DHDDS: variants seen among roughly 807,000 people sequenced by gnomAD.
DHDDS encodes the protein dehydrodolichyl diphosphate synthase subunit, also known as dehydrodolichyl diphosphate synthase complex subunit DHDDS.
In DHDDS, 16 loss-of-function variants were observed where a neutral mutation model predicts 46.2. That is an observed-to-expected ratio of 0.35 (90% CI 0.23 to 0.53). The LOEUF (loss-of-function observed/expected upper bound fraction) is 0.53. Ranked by LOEUF, DHDDS falls within the 20% of genes least tolerant of loss-of-function variation. DHDDS has a pLI of 0.94. For synonymous variants in DHDDS, 151 were observed against 163.1 expected (o/e 0.93, Z 0.56); for missense variants, 340 against 423.7 (o/e 0.80, Z 1.73).
chr1:26,469,276 C>T lies in DHDDS; in HGVS notation c.*145C>T, dbSNP rs2075528127. ...TGGGGAGCCCCCCAGGCCAGGTTTGCTGGCCATAGATACCTTTGGGCTGCC... is the reference window on the plus strand; with the variant it reads ...TGGGGAGCCCCCCAGGCCAGGTTTGTTGGCCATAGATACCTTTGGGCTGCC... On this transcript the variant is annotated 3_prime_UTR_variant, in exon 9 of 9. Transcript: ENST00000236342. 3 of 1,493,046 alleles carry T rather than the reference C, an allele frequency of 2.0e-6. No homozygotes were observed. The highest frequency in any genetic ancestry group is 2.7e-6 in the Non-Finnish European group (3 of 1,101,976). 92.5% of individuals were successfully genotyped at this position (1,493,046 alleles called of 1,614,324 possible).
At chr1:26,468,795 A>G in intron 8 of DHDDS, 100 bp from the exon 9 acceptor site, 1 of 1,441,080 alleles carries the variant, frequency 6.9e-7, no homozygotes, top group Non-Finnish European at 9.5e-7. Context: ...GTTCCACTTC[A>G]CTTGGCCCAC....
chr1:26,433,195 C>T (rs1354914766), intron 2 of DHDDS, 187 bp downstream of exon 2: 4 of 660,060 alleles, frequency 6.1e-6, no homozygotes, highest in Non-Finnish European at 1.1e-5. Context: ...TGTCCTAACT[C>T]TGATATTTTC....
chr1:26,453,097 C>T (rs1312411826), intron 6 of DHDDS, among the ~76,000 whole-genome samples: 1 of 146,308 alleles, frequency 6.8e-6, no homozygotes, highest in East Asian at 1.9e-4. Context: ...GTCTGAAACA[C>T]ACACACACAC....
At chr1:26,464,457 AT>A (rs2075461734) in intron 8 of DHDDS, among the ~76,000 whole-genome samples, 4 of 152,216 alleles carry the variant, frequency 2.6e-5, no homozygotes, top group African/African-American at 9.6e-5. Context: ...CAAAGTTATA[AT>A]AGAGATACTG....
At position 26,470,963 on chromosome 1, in the gene DHDDS, T is replaced by G. The variant is rs909512658; in HGVS notation, c.*1832T>G. 2 of 152,410 alleles carry G rather than the reference T, an allele frequency of 1.3e-5. No individual in the cohort carries two copies. Among genetic ancestry groups the G allele is most frequent in the Non-Finnish European group, 2.9e-5 (2 of 68,126 alleles). The allele number at this position is 152,410 out of a possible 1,614,324, so 9.4% of individuals were successfully genotyped here. ...TATGATTGGGGTACAGTAGAGGTGA[T>G]TAATGGGGCTGGCATCTCTCTTTGG... On this transcript the variant is annotated 3_prime_UTR_variant, in exon 9 of 9. Transcript: ENST00000236342.
At chr1:26,456,793 G>C (rs1570355727) in intron 6 of DHDDS, among the ~76,000 whole-genome samples, 2 of 152,306 alleles carry the variant, frequency 1.3e-5, no homozygotes, top group African/African-American at 4.8e-5. Context: ...ACTGTTAATA[G>C]TATGATGTAT....
Position 26,446,338 on chromosome 1 carries a change from G to A in DHDDS, c.346G>A (p.Val116Met). 8.1e-6 allele frequency: 13 copies of A among 1,614,026 alleles called. No individual in the cohort carries two copies. Among genetic ancestry groups the A allele is most frequent in the Non-Finnish European group, 1.1e-5 (13 of 1,179,926 alleles). The stretch of plus-strand genomic sequence containing the variant: ...CAGGGAGAAACTGCAGAAGCATGGG[G>A]TGTGTATCCGGGTCCTGGGCGATCT... ...EEKEKLQKHG[V>M]CIRVLGDLHL... The change falls in exon 5 of 9, where the codon GTG becomes ATG. Residue 116 changes from valine to methionine, a missense_variant. By Grantham distance (21) the Val-to-Met change is conservative (BLOSUM62 1). Around this residue, in one of 2 missense-constraint regions of DHDDS, gnomAD observed 268 missense variants for 300.3 expected, o/e 0.89. Coordinates refer to ENST00000236342, the MANE Select transcript of DHDDS (RefSeq NM_205861.3).
chr1:26,438,825 AAT>A (rs746031308), intron 3 of DHDDS: 4 of 163,256 alleles, frequency 2.5e-5, no homozygotes, highest in Admixed American at 1.1e-4. Context: ...TTAATAAATC[AAT>A]AGTTTATATT....
chr1:26,447,688 T>G (rs200852161), intron 6 of DHDDS, 28 bp downstream of exon 6: 2 of 1,599,944 alleles, frequency 1.3e-6, no homozygotes, highest in Admixed American at 1.7e-5. Flanking sequence ...GCATGGTAAT[T>G]GTTAAGGAAA....
chr1:26,447,884 A>G (rs1055147828), intron 6 of DHDDS: 2 of 613,470 alleles, frequency 3.3e-6, no homozygotes, highest in Non-Finnish European at 5.8e-6. Context: ...CCTCTGTGCC[A>G]TGTACTTGGC....
At chr1:26,432,420 C>T in intron 1 of DHDDS, 44 bp downstream of exon 1, 1 of 166,450 alleles carries the variant, frequency 6.0e-6, no homozygotes, top group South Asian at 1.3e-4. Flanking sequence ...AAGAGGGTGA[C>T]TGGGCGGGGA....
intron 6 of DHDDS, among the ~76,000 whole-genome samples, chr1:26,449,775 T>C (rs1223202247): frequency 1.4e-5 from 2 of 142,062 alleles, no homozygotes; most frequent in East Asian, 5.3e-4. Flanking sequence ...GCCAGGCTGG[T>C]CTCAAACTCC....
At chr1:26,434,009 T>C (rs562477278) in intron 2 of DHDDS, among the ~76,000 whole-genome samples, 23 of 152,296 alleles carry the variant, frequency 1.5e-4, no homozygotes, top group African/African-American at 5.1e-4. Context: ...GCTGGGATTA[T>C]AGGACTGAGC....
intron 5 of DHDDS, among the ~76,000 whole-genome samples, chr1:26,447,212 C>T (rs1186456158): frequency 2.6e-5 from 4 of 151,842 alleles, no homozygotes; most frequent in Admixed American, 6.6e-5. Context: ...CCCAGCTACT[C>T]GGGAGGCTGA....
At chr1:26,454,806 A>G (rs926729366) in intron 6 of DHDDS, 2 of 1,579,702 alleles carry the variant, frequency 1.3e-6, no homozygotes, top group Admixed American at 3.3e-5. Context: ...CTGTAGGTCC[A>G]GCGGCACATC....
intron 6 of DHDDS, chr1:26,448,666 T>C (rs749739104): frequency 6.6e-5 from 10 of 152,144 alleles, no homozygotes; most frequent in Non-Finnish European, 1.3e-4. Context: ...CCAGGAGATG[T>C]GTTGTGTTCT....
intron 6 of DHDDS, among the ~76,000 whole-genome samples, chr1:26,451,143 G>A (rs147140055): frequency 4.6e-4 from 70 of 152,296 alleles, no homozygotes; most frequent in African/African-American, 1.5e-3. Flanking sequence ...CAGACAGGGT[G>A]TGGGTTGGGC....
chr1:26,433,635 G>T (rs1251013973), intron 2 of DHDDS, among the ~76,000 whole-genome samples: 1 of 144,056 alleles, frequency 6.9e-6, no homozygotes, highest in Non-Finnish European at 1.5e-5. Context: ...GACAGAACGG[G>T]ACTGTCTCAA....
intron 3 of DHDDS, 130 bp from the exon 4 acceptor site, chr1:26,442,601 C>A: frequency 9.3e-7 from 1 of 1,079,606 alleles, no homozygotes; most frequent in Non-Finnish European, 1.4e-6. Context: ...GTTATCCTAG[C>A]TTCACCCAGC....
Sources: gnomAD v4.1 joint callset for allele counts (sites outside exome capture counted in the v4.1 genomes callset) on GRCh38, gnomAD v4.1.1 for gene constraint, gnomAD v4.1.1 regional missense constraint, MANE v1.5 for transcripts, NCBI Gene and HGNC (gene_info 2026-07-23, HGNC 2026-07-21) for gene names.